Variants in FRMD5 observed in about 807,000 individuals in gnomAD.
FRMD5 encodes the protein FERM domain containing 5.
FRMD5 carries 20 observed loss-of-function variants against 69.0 expected under a neutral mutation model. The ratio of observed to expected loss-of-function variants is 0.29; its 90% CI spans 0.20 to 0.42. FRMD5 has a LOEUF of 0.42. Ranked by LOEUF, FRMD5 falls within the 10% of genes least tolerant of loss-of-function variation. FRMD5 has a pLI of 1.00. For missense variants in FRMD5, 595 were observed against 708.6 expected (o/e 0.84, Z 1.82); for synonymous variants, 271 against 260.1 (o/e 1.04, Z -0.40).
intron 4 of FRMD5, among the ~76,000 whole-genome samples, chr15:43,910,673 C>G (rs1310278950): frequency 6.8e-6 from 1 of 147,104 alleles, no homozygotes; most frequent in East Asian, 2.0e-4. Flanking sequence ...TCTTTAAATA[C>G]AGAAAGCTGT....
intron 1 of FRMD5, among the ~76,000 whole-genome samples, chr15:43,965,734 A>G (rs1566867146): frequency 1.3e-5 from 2 of 151,912 alleles, no homozygotes. Context: ...GGCATGCACC[A>G]CCACACCCAG....
At chr15:44,145,007 T>C (rs1388565797) in intron 1 of FRMD5, among the ~76,000 whole-genome samples, 1 of 152,242 alleles carries the variant, frequency 6.6e-6, no homozygotes, top group Non-Finnish European at 1.5e-5. Context: ...TAAAGTGTTC[T>C]GGAAGCAGAA....
In FRMD5 at chr15:44,194,924, CGGGCG is replaced by C. The variant is rs374169698; in HGVS notation, c.102+24_102+28del. ...AGACTTGGGGGACAAGGGGGTCCCGCGGGCGGGGCGGGGCGGCGCGGCGCTGACCT... is the reference window on the plus strand; with the variant it reads ...AGACTTGGGGGACAAGGGGGTCCCGCGGGCGGGGCGGCGCGGCGCTGACCT... On this transcript the variant is annotated intron_variant, in intron 1 of 13. Transcript: ENST00000417257. 9.1e-5 allele frequency: 137 copies of C among 1,503,662 alleles called. No homozygotes were observed. In the African/African-American group the frequency reaches 1.1e-3, roughly 12 times the overall value. The allele number at this position is 1,503,662 out of a possible 1,614,324, so 93.1% of individuals were successfully genotyped here.
chr15:44,173,349 T>C (rs943626951), intron 1 of FRMD5, among the ~76,000 whole-genome samples: 1 of 152,048 alleles, frequency 6.6e-6, no homozygotes, highest in Non-Finnish European at 1.5e-5. Context: ...AAAAAAGTAA[T>C]ACAGCTAGTT....
At chr15:44,194,763 G>A (rs1269104027) in intron 1 of FRMD5, 190 bp downstream of exon 1, 1 of 669,622 alleles carries the variant, frequency 1.5e-6, no homozygotes. Flanking sequence ...GTGACACACC[G>A]GGTGCCAGGG....
intron 10 of FRMD5, among the ~76,000 whole-genome samples, chr15:43,887,397 GTT>G (rs952571545): frequency 5.3e-5 from 8 of 152,222 alleles, no homozygotes; most frequent in African/African-American, 1.9e-4. Flanking sequence ...GAAAATAAAT[GTT>G]TTCTTGACTT....
chr15:43,877,469 C>T (rs2088395244), intron 13 of FRMD5, among the ~76,000 whole-genome samples: 1 of 152,196 alleles, frequency 6.6e-6, no homozygotes, highest in African/African-American at 2.4e-5. Context: ...CCCAGGCAGC[C>T]TGCCTGACCA....
At chr15:43,957,842 A>G (rs2090138628) in intron 1 of FRMD5, among the ~76,000 whole-genome samples, 1 of 152,192 alleles carries the variant, frequency 6.6e-6, no homozygotes. Flanking sequence ...TGTTGCTAGC[A>G]AGCAAGTCAG....
chr15:43,874,903 TAAAAAAAA>T (rs1228382604), intron 13 of FRMD5, among the ~76,000 whole-genome samples: 1 of 149,336 alleles, frequency 6.7e-6, no homozygotes, highest in Non-Finnish European at 1.5e-5. Flanking sequence ...GATTCCATCT[TAAAAAAAA>T]GAAAAAGGCT....
chr15:43,987,588 T>C (rs1889456467), intron 1 of FRMD5, among the ~76,000 whole-genome samples: 2 of 152,178 alleles, frequency 1.3e-5, no homozygotes, highest in African/African-American at 4.8e-5. Flanking sequence ...GGAGTCTTGC[T>C]CTGTCACCCA....
In FRMD5 at chr15:44,031,725, C is replaced by T. The variant is rs190466496; in HGVS notation, c.103-107416G>A. Reference sequence around the variant, plus strand: ...GTTAACCCCTTTTGGTCCTATTTCACGTAGTCCAGTATTTGGTGGCTATTT... The same window carrying T: ...GTTAACCCCTTTTGGTCCTATTTCATGTAGTCCAGTATTTGGTGGCTATTT... On this transcript the variant is annotated intron_variant, in intron 1 of 13. Coordinates refer to ENST00000417257, the MANE Select transcript of FRMD5 (RefSeq NM_032892.5). 6.5e-4 allele frequency among the ~76,000 whole-genome samples: 99 copies of T among 152,240 alleles called. 1 individual carries two copies. The highest frequency in any genetic ancestry group is 1.1e-3 in the Non-Finnish European group (78 of 68,016).
At chr15:44,048,818 T>C (rs887031336) in intron 1 of FRMD5, among the ~76,000 whole-genome samples, 9 of 152,160 alleles carry the variant, frequency 5.9e-5, no homozygotes, top group Non-Finnish European at 1.3e-4. Context: ...AGTAATCTGC[T>C]GCCTCAGCCT....
At chr15:44,138,136 C>A (rs1386351450) in intron 1 of FRMD5, among the ~76,000 whole-genome samples, 1 of 151,894 alleles carries the variant, frequency 6.6e-6, no homozygotes, top group East Asian at 1.9e-4. Flanking sequence ...GCTTTCAAGC[C>A]AAAATTCCAA....
At chr15:44,138,915 G>C (rs1462227436) in intron 1 of FRMD5, among the ~76,000 whole-genome samples, 1 of 152,172 alleles carries the variant, frequency 6.6e-6, no homozygotes, top group African/African-American at 2.4e-5. Context: ...ACAGAAAGTA[G>C]ATTACTGGCT....
At chr15:43,934,772 C>G (rs370846384) in intron 1 of FRMD5, among the ~76,000 whole-genome samples, 2 of 152,206 alleles carry the variant, frequency 1.3e-5, no homozygotes, top group South Asian at 2.1e-4. Flanking sequence ...GATCCTCAGG[C>G]TAATACCAGC....
intron 1 of FRMD5, among the ~76,000 whole-genome samples, chr15:44,118,453 C>T (rs923459075): frequency 2.6e-5 from 4 of 152,164 alleles, no homozygotes; most frequent in African/African-American, 9.7e-5. Flanking sequence ...TTATTTAATA[C>T]TCTGTATTAT....
chr15:44,152,190 T>C (rs1354876733), intron 1 of FRMD5, among the ~76,000 whole-genome samples: 3 of 152,164 alleles, frequency 2.0e-5, no homozygotes, highest in African/African-American at 4.8e-5. Flanking sequence ...GCCTGGGTGA[T>C]AGAGGGAGAC....
At chr15:43,940,752 T>A (rs1010433268) in intron 1 of FRMD5, among the ~76,000 whole-genome samples, 2 of 152,280 alleles carry the variant, frequency 1.3e-5, no homozygotes, top group East Asian at 3.9e-4. Context: ...GAATAAATAG[T>A]ATTTAAGTGA....
chr15:44,175,410 G>A (rs1243763414), intron 1 of FRMD5, among the ~76,000 whole-genome samples: 6 of 152,066 alleles, frequency 3.9e-5, no homozygotes, highest in Admixed American at 6.6e-5. Context: ...AAACCTCAAT[G>A]AAATATCACT....
Sources: allele counts gnomAD v4.1 joint callset (sites outside exome capture counted in the v4.1 genomes callset), GRCh38; gene constraint gnomAD v4.1.1; transcripts MANE v1.5; gene names NCBI Gene and HGNC (gene_info 2026-07-23, HGNC 2026-07-21).